RPS6KA6: variants seen among roughly 807,000 people sequenced by gnomAD.
RPS6KA6 encodes ribosomal protein S6 kinase alpha-6.
RPS6KA6 carries 27 observed loss-of-function variants against 65.4 expected under a neutral mutation model. The ratio of observed to expected loss-of-function variants is 0.41; its 90% CI spans 0.30 to 0.57. The LOEUF (loss-of-function observed/expected upper bound fraction) is 0.57. Among genes scored for constraint, RPS6KA6 ranks in the 20% least tolerant of loss-of-function variants. The pLI, the probability that RPS6KA6 is intolerant of heterozygous loss-of-function variation, is 0.24. For synonymous variants in RPS6KA6, 190 were observed against 184.2 expected, an observed-to-expected ratio of 1.03 and a Z score of -0.26; for missense variants, 486 against 555.6, an observed-to-expected ratio of 0.87 and a Z score of 1.26.
chrX:84,174,384 C>T (rs1290516400), intron 1 of RPS6KA6, among the ~76,000 whole-genome samples: 2 of 111,478 alleles, frequency 1.8e-5, no homozygotes, highest in African/African-American at 6.5e-5. Flanking sequence ...GTCACTGCTT[C>T]AGGGAGGACT....
intron 6 of RPS6KA6, among the ~76,000 whole-genome samples, chrX:84,137,675 AT>A (rs2147520922): frequency 8.9e-6 from 1 of 112,171 alleles, no homozygotes; most frequent in African/African-American, 3.2e-5. Flanking sequence ...AAATGGCATT[AT>A]TTTTTAAATT....
chrX:84,178,828 G>A (rs1304217707), intron 1 of RPS6KA6, among the ~76,000 whole-genome samples: 3 of 110,272 alleles, frequency 2.7e-5, no homozygotes, highest in Non-Finnish European at 5.7e-5. Flanking sequence ...AAAACTTCTA[G>A]AAGAAAACTT....
chrX:84,118,372 G>A (rs758462524), intron 9 of RPS6KA6, among the ~76,000 whole-genome samples: 2 of 111,015 alleles, frequency 1.8e-5, no homozygotes, highest in African/African-American at 3.3e-5. Context: ...AGAACTTCAG[G>A]GAGAGAATGA....
chrX:84,134,430 G>A (rs1055477756), intron 8 of RPS6KA6, among the ~76,000 whole-genome samples: 2 of 111,247 alleles, frequency 1.8e-5, no homozygotes, highest in African/African-American at 6.5e-5. Context: ...GGACATATAA[G>A]TGGTTGCCAG....
At chrX:84,115,453 A>G (rs1408336697) in intron 12 of RPS6KA6, among the ~76,000 whole-genome samples, 1 of 112,133 alleles carries the variant, frequency 8.9e-6, no homozygotes, top group Non-Finnish European at 1.9e-5. Flanking sequence ...GTTAGAAAAT[A>G]ACAGATGTTG....
chrX:84,089,678 G>A (rs1017316357), intron 20 of RPS6KA6, among the ~76,000 whole-genome samples: 2 of 110,945 alleles, frequency 1.8e-5, no homozygotes, highest in East Asian at 2.8e-4. Context: ...TCACACAATC[G>A]CTCACCACTT....
At chrX:84,141,587 T>G (rs1392955077) in intron 6 of RPS6KA6, among the ~76,000 whole-genome samples, 4 of 110,855 alleles carry the variant, frequency 3.6e-5, no homozygotes, top group Non-Finnish European at 7.6e-5. Context: ...ACTCTCAGAT[T>G]GGATTAAAAA....
intron 1 of RPS6KA6, among the ~76,000 whole-genome samples, chrX:84,169,315 C>T (rs956300974): frequency 9.0e-6 from 1 of 111,204 alleles, no homozygotes; most frequent in Non-Finnish European, 1.9e-5. Flanking sequence ...AAATCCTAAA[C>T]TGAGTTGCTG....
intron 1 of RPS6KA6, chrX:84,187,006 A>T (rs2035935836): frequency 8.9e-6 from 1 of 112,175 alleles, no homozygotes; most frequent in South Asian, 3.7e-4. Flanking sequence ...GTTTCAGAGT[A>T]AGAAGAGTGG....
At chrX:84,101,430 T>C (rs1438206599) in intron 18 of RPS6KA6, among the ~76,000 whole-genome samples, 1 of 110,484 alleles carries the variant, frequency 9.1e-6, no homozygotes, top group African/African-American at 3.3e-5. Context: ...CCTAAGAGCA[T>C]CACCTTTCCT....
rs184213224 is a variant in RPS6KA6 at position 84,144,883 on chromosome X, T to G, written c.501+595A>C. 4.2e-4 allele frequency among the ~76,000 whole-genome samples: 47 copies of G among 110,599 alleles called. No individual in the cohort carries two copies. In the East Asian group the frequency reaches 0.013, roughly 30 times the overall value. ...TATTAGTACATACAACATAGATGAATCTCAAAGTACTTATGTTAAGCCAGA... is the reference window on the plus strand; with the variant it reads ...TATTAGTACATACAACATAGATGAAGCTCAAAGTACTTATGTTAAGCCAGA... On this transcript the variant is annotated intron_variant, in intron 6 of 21. Coordinates refer to ENST00000262752, the MANE Select transcript of RPS6KA6 (RefSeq NM_014496.5).
At chrX:84,154,697 T>C (rs180701745) in intron 3 of RPS6KA6, among the ~76,000 whole-genome samples, 10 of 110,061 alleles carry the variant, frequency 9.1e-5, no homozygotes, top group African/African-American at 3.0e-4. Flanking sequence ...CTATTAACAG[T>C]TCCTTCTAGT....
At chrX:84,129,527 A>T (rs1267991002) in intron 8 of RPS6KA6, among the ~76,000 whole-genome samples, 2 of 111,698 alleles carry the variant, frequency 1.8e-5, no homozygotes, top group Non-Finnish European at 3.8e-5. Context: ...AATCAGTACA[A>T]TGAAGAGATA....
intron 12 of RPS6KA6, 87 bp from the exon 13 acceptor site, chrX:84,107,812 C>T (rs2034389827): frequency 2.1e-6 from 1 of 465,832 alleles, no homozygotes; most frequent in Non-Finnish European, 3.6e-6. Context: ...ATAATATTCA[C>T]AGTCCATAAT....
intron 8 of RPS6KA6, among the ~76,000 whole-genome samples, chrX:84,129,752 T>C (rs2034862798): frequency 1.8e-5 from 2 of 110,706 alleles, no homozygotes; most frequent in South Asian, 3.8e-4. Flanking sequence ...CACAGAAAAA[T>C]AAACTTATGT....
At chrX:84,176,310 T>C (rs984485511) in intron 1 of RPS6KA6, among the ~76,000 whole-genome samples, 3 of 111,943 alleles carry the variant, frequency 2.7e-5, no homozygotes, top group Non-Finnish European at 3.8e-5. Flanking sequence ...ATTTGGGAAG[T>C]TTACTTTCCA....
intron 19 of RPS6KA6, among the ~76,000 whole-genome samples, chrX:84,097,180 T>C (rs2034175141): frequency 8.9e-6 from 1 of 111,763 alleles, no homozygotes; most frequent in African/African-American, 3.2e-5. Flanking sequence ...TCTACATCCA[T>C]AAGTTTTCAC....
intron 8 of RPS6KA6, among the ~76,000 whole-genome samples, chrX:84,120,916 A>G (rs1177952517): frequency 1.8e-5 from 2 of 112,181 alleles, no homozygotes; most frequent in African/African-American, 6.5e-5. Context: ...CACTTACTAT[A>G]AAGCTACGGT....
At chrX:84,078,808 G>C (rs1403604685) in intron 20 of RPS6KA6, among the ~76,000 whole-genome samples, 1 of 111,150 alleles carries the variant, frequency 9.0e-6, no homozygotes, top group African/African-American at 3.3e-5. Context: ...TAGGGCAGGA[G>C]GGAGGGAATT....
Sources: allele counts gnomAD v4.1 joint callset (sites outside exome capture counted in the v4.1 genomes callset), GRCh38; gene constraint gnomAD v4.1.1; transcripts MANE v1.5; gene names NCBI Gene and HGNC (gene_info 2026-07-23, HGNC 2026-07-21).